Variants in CERS6 observed in about 807,000 individuals in gnomAD.
CERS6 encodes ceramide synthase 6.
In CERS6, 26 loss-of-function variants were observed where a neutral mutation model predicts 56.8. The observed-to-expected ratio is 0.46, with a 90% CI of 0.34 to 0.63. The LOEUF (loss-of-function observed/expected upper bound fraction) is 0.63, where lower values mean the gene tolerates loss of function less well. CERS6 is among the 30% of genes least tolerant of loss of function. The pLI, the probability that CERS6 is intolerant of heterozygous loss-of-function variation, is 0.01. For missense variants in CERS6, 415 were observed against 467.5 expected (o/e 0.89, Z 1.04); for synonymous variants, 164 against 173.3 (o/e 0.95, Z 0.42).
intron 3 of CERS6, among the ~76,000 whole-genome samples, chr2:168,574,867 A>T (rs1362597709): frequency 6.6e-6 from 1 of 152,178 alleles, no homozygotes; most frequent in Non-Finnish European, 1.5e-5. Context: ...GGCAGATTTG[A>T]TATGATGATT....
intron 8 of CERS6, among the ~76,000 whole-genome samples, chr2:168,734,229 TA>T (rs958721713): frequency 6.6e-6 from 1 of 152,106 alleles, no homozygotes; most frequent in African/African-American, 2.4e-5. Context: ...ACTACTTGTT[TA>T]AAAAGCCTGC....
intron 1 of CERS6, among the ~76,000 whole-genome samples, chr2:168,508,890 T>G (rs1276509962): frequency 6.6e-6 from 1 of 152,188 alleles, no homozygotes; most frequent in Non-Finnish European, 1.5e-5. Flanking sequence ...AAAAGTATCT[T>G]AGTGTCTGAA....
rs990671849 is a variant in CERS6 at position 168,637,391 on chromosome 2, A to G, written c.465+6349A>G. Among the ~76,000 whole-genome samples, 41 of 152,176 alleles carry G rather than the reference A, an allele frequency of 2.7e-4. 1 individual carries two copies. Among genetic ancestry groups the G allele is most frequent in the Non-Finnish European group, 1.3e-4 (9 of 68,028 alleles). On this transcript the variant is annotated intron_variant, in intron 4 of 9. Coordinates refer to ENST00000305747, the MANE Select transcript of CERS6 (RefSeq NM_203463.3). The stretch of plus-strand genomic sequence containing the variant: ...CAGCTACTCAGGAGGCTGAGGCAGG[A>G]GAATTGCTTGAGCCCAGTAGGCGGA...
chr2:168,658,664 C>A (rs930812113), intron 4 of CERS6, among the ~76,000 whole-genome samples: 1 of 152,184 alleles, frequency 6.6e-6, no homozygotes, highest in African/African-American at 2.4e-5. Context: ...CTTTGACTGG[C>A]AATATGCTAA....
intron 4 of CERS6, among the ~76,000 whole-genome samples, chr2:168,661,442 G>C (rs941879625): frequency 6.6e-6 from 1 of 152,138 alleles, no homozygotes; most frequent in Admixed American, 6.5e-5. Context: ...AAGTGGAAAG[G>C]AGCACAGCGA....
At chr2:168,744,162 C>T (rs1406103467) in intron 8 of CERS6, among the ~76,000 whole-genome samples, 4 of 151,488 alleles carry the variant, frequency 2.6e-5, no homozygotes, top group Non-Finnish European at 5.9e-5. Flanking sequence ...CCCACCACCA[C>T]GCCCGGCTAA....
chr2:168,663,121 C>T (rs4668094), intron 4 of CERS6, among the ~76,000 whole-genome samples: 72,356 of 151,950 alleles, frequency 0.48, 17,776 homozygotes, highest in South Asian at 0.54. Context: ...GTGGTTCTCT[C>T]CCTTTGAGAA....
chr2:168,561,347 A>G (rs747406507), intron 3 of CERS6, 25 bp downstream of exon 3: 1 of 1,613,796 alleles, frequency 6.2e-7, no homozygotes, highest in Non-Finnish European at 8.5e-7. Context: ...TTCTTTTTGA[A>G]AGAAAAGACC....
At chr2:168,588,977 C>T (rs1683610915) in intron 3 of CERS6, among the ~76,000 whole-genome samples, 1 of 152,206 alleles carries the variant, frequency 6.6e-6, no homozygotes, top group Non-Finnish European at 1.5e-5. Context: ...TGAGCTCAGG[C>T]AGTCTGCCTG....
chr2:168,657,872 C>T (rs1171415710), intron 4 of CERS6, among the ~76,000 whole-genome samples: 2 of 152,248 alleles, frequency 1.3e-5, no homozygotes, highest in Non-Finnish European at 2.9e-5. Context: ...TTGGCCAGCC[C>T]AGAAAGTGGC....
intron 8 of CERS6, among the ~76,000 whole-genome samples, chr2:168,746,459 G>A (rs1479112608): frequency 6.6e-6 from 1 of 151,892 alleles, no homozygotes; most frequent in East Asian, 1.9e-4. Context: ...CCACCCCTCT[G>A]CCATCACGTT....
In CERS6 at chr2:168,496,338, A is replaced by AT. The variant is rs760222866; in HGVS notation, c.170+39732dup. Among the ~76,000 whole-genome samples the AT allele has an allele frequency of 3.2e-3, 474 of 147,952 alleles. 1 individual carries two copies. The highest frequency in any genetic ancestry group is 6.6e-3 in the African/African-American group (268 of 40,502). ...GTTGACAGAGAACTTGGAAGTCATG[A>AT]TTTTTTTTTTTTGTAGAAAAAAATG... On this transcript the variant is annotated intron_variant, in intron 1 of 9. Coordinates refer to ENST00000305747, the MANE Select transcript of CERS6 (RefSeq NM_203463.3).
intron 3 of CERS6, among the ~76,000 whole-genome samples, chr2:168,606,751 G>A (rs1559017886): frequency 1.3e-5 from 2 of 152,190 alleles, no homozygotes; most frequent in South Asian, 2.1e-4. Context: ...CTGGAGGTGG[G>A]ACCTGGTGGA....
chr2:168,632,757 G>A (rs1331694464), intron 4 of CERS6, among the ~76,000 whole-genome samples: 1 of 152,176 alleles, frequency 6.6e-6, no homozygotes, highest in Admixed American at 6.5e-5. Context: ...CTGATGTGGA[G>A]GAGGTGTGCT....
intron 1 of CERS6, among the ~76,000 whole-genome samples, chr2:168,533,708 G>A (rs1195514906): frequency 2.6e-5 from 4 of 151,926 alleles, no homozygotes; most frequent in African/African-American, 9.7e-5. Flanking sequence ...TGATCTTCTC[G>A]TGGAGTATCT....
chr2:168,765,498 T>C (rs1013083890), intron 8 of CERS6, 94 bp from the exon 9 acceptor site: 3 of 1,281,420 alleles, frequency 2.3e-6, no homozygotes, highest in Non-Finnish European at 3.2e-6. Context: ...AGTTGGGAGA[T>C]ATTGTTGACC....
intron 8 of CERS6, among the ~76,000 whole-genome samples, chr2:168,722,887 T>A (rs1246666799): frequency 6.6e-6 from 1 of 152,194 alleles, no homozygotes; most frequent in Non-Finnish European, 1.5e-5. Context: ...TCCTTCCTGA[T>A]GATATCACTG....
At chr2:168,705,461 G>A (rs896581357) in intron 6 of CERS6, among the ~76,000 whole-genome samples, 5 of 152,178 alleles carry the variant, frequency 3.3e-5, no homozygotes, top group Non-Finnish European at 5.9e-5. Flanking sequence ...CTAGAATTCT[G>A]TATGTTTGTG....
chr2:168,563,881 T>G lies in CERS6; in HGVS notation c.407+2559T>G, dbSNP rs933680138. On this transcript the variant is annotated intron_variant, in intron 3 of 9. Coordinates refer to ENST00000305747, the MANE Select transcript of CERS6 (RefSeq NM_203463.3). The stretch of plus-strand genomic sequence containing the variant: ...TTAAAGGGAAAGGATCAACTGTAGG[T>G]TGGGGTGCACGGGGGGTTTGCTGGG... 5.3e-5 allele frequency among the ~76,000 whole-genome samples: 8 copies of G among 151,828 alleles called. No individual in the cohort carries two copies. The South Asian group carries it at 8.3e-4, about 16-fold the overall frequency.
Sources: gnomAD v4.1 joint callset for allele counts (sites outside exome capture counted in the v4.1 genomes callset) on GRCh38, gnomAD v4.1.1 for gene constraint, MANE v1.5 for transcripts, NCBI Gene and HGNC (gene_info 2026-07-23, HGNC 2026-07-21) for gene names.